The following NDE1 variants were observed in gnomAD, a reference collection of about 807,000 sequenced individuals.
NDE1 encodes nuclear distribution protein nudE homolog 1.
Under a neutral mutation model 43.4 loss-of-function variants are expected in NDE1, and 28 were observed. The ratio of observed to expected loss-of-function variants is 0.65; its 90% CI spans 0.48 to 0.89. The LOEUF is 0.89. NDE1 is among the 40% of genes least tolerant of loss of function. The pLI is 0.00. For synonymous variants in NDE1, 184 were observed against 172.0 expected, an observed-to-expected ratio of 1.07 and a Z score of -0.55; for missense variants, 441 against 434.1, an observed-to-expected ratio of 1.02 and a Z score of -0.14.
intron 3 of NDE1, among the ~76,000 whole-genome samples, chr16:15,675,176 G>C (rs2037803611): frequency 6.6e-6 from 1 of 152,004 alleles, no homozygotes; most frequent in South Asian, 2.1e-4. Context: ...CAGTTATTCA[G>C]TGTGCCTGCC....
intron 1 of NDE1, among the ~76,000 whole-genome samples, chr16:15,662,351 C>T (rs954512035): frequency 5.6e-5 from 8 of 142,202 alleles, no homozygotes; most frequent in African/African-American, 1.6e-4. Flanking sequence ...GGCGTGATCT[C>T]GGCTCACTGC....
chr16:15,709,992 T>C (rs1287750103), intron 8 of NDE1, among the ~76,000 whole-genome samples: 2 of 152,158 alleles, frequency 1.3e-5, no homozygotes, highest in Non-Finnish European at 2.9e-5. Context: ...TACAGTTCCT[T>C]CTTGGCTGAG....
intron 4 of NDE1, chr16:15,686,872 A>G (rs2038465242): frequency 8.5e-6 from 5 of 587,716 alleles, no homozygotes; most frequent in Non-Finnish European, 1.1e-5. Context: ...TATTTCTAGT[A>G]GAGACAGGAT....
chr16:15,719,841 G>A (rs912098606), intron 8 of NDE1: 36 of 1,349,540 alleles, frequency 2.7e-5, no homozygotes, highest in Non-Finnish European at 3.5e-5. Context: ...CCCATTGCAC[G>A]AGCATGGCTC....
Position 15,695,463 on chromosome 16 carries a change from G to T in NDE1, c.795+1207G>T, listed in dbSNP as rs191038684. 3 of 968,994 alleles carry T rather than the reference G, an allele frequency of 3.1e-6. No homozygotes were observed. In the Admixed American group the frequency reaches 2.0e-4, roughly 66 times the overall value. The allele number at this position is 968,994 out of a possible 1,614,324, so 60.0% of individuals were successfully genotyped here. A position where few individuals can be genotyped will look rare whatever the true frequency, so the allele number is the denominator to read the frequency against. On this transcript the variant is annotated intron_variant, in intron 7 of 8. Transcript: ENST00000396354. ...GCGGAGGTTGCAGTGAGCTGAGATC[G>T]CACCGCTGGGTGACAAAGTGAGACT...
At chr16:15,698,465 C>T (rs575087640) in intron 8 of NDE1, among the ~76,000 whole-genome samples, 1 of 152,100 alleles carries the variant, frequency 6.6e-6, no homozygotes, top group Non-Finnish European at 1.5e-5. Context: ...CTCTCTGGGC[C>T]CCAAGCCGTA....
At chr16:15,655,298 G>A (rs998014356) in intron 1 of NDE1, among the ~76,000 whole-genome samples, 13 of 152,050 alleles carry the variant, frequency 8.5e-5, no homozygotes, top group African/African-American at 2.2e-4. Flanking sequence ...GACTACAGGC[G>A]TGCATCGTGA....
At chr16:15,669,518 T>C (rs1189791513) in intron 3 of NDE1, among the ~76,000 whole-genome samples, 1 of 152,040 alleles carries the variant, frequency 6.6e-6, no homozygotes, top group East Asian at 1.9e-4. Context: ...CACACCGCCA[T>C]GCCTGGCTAA....
rs529718944 is a variant in NDE1, at chr16:15,717,133, C to A, written c.948-7058C>A. ...CAAACTGGGTTCGGAACTCCACACC[C>A]GCATACCTGGCCTCCTGCTCGACCT... On this transcript the variant is annotated intron_variant, in intron 8 of 8. Transcript: ENST00000396354. The A allele has an allele frequency of 2.2e-5, 36 of 1,614,014 alleles. No homozygotes were observed. The highest frequency in any genetic ancestry group is 3.3e-5 in the Admixed American group (2 of 60,000).
chr16:15,690,273 A>G (rs2038665936), intron 5 of NDE1, among the ~76,000 whole-genome samples: 1 of 149,112 alleles, frequency 6.7e-6, no homozygotes, highest in Admixed American at 6.7e-5. Context: ...CCTGACCTCA[A>G]GCAATCCTCC....
chr16:15,717,013 G>A (rs1343058714), intron 8 of NDE1: 7 of 1,014,590 alleles, frequency 6.9e-6, no homozygotes, highest in African/African-American at 1.6e-5. Flanking sequence ...TACCTGCACT[G>A]TAGGCATCAC....
exon 1 of NDE1, chr16:15,643,547 A>C: frequency 5.6e-6 from 2 of 354,706 alleles, no homozygotes; most frequent in South Asian, 4.2e-5. Flanking sequence ...ACGGGATTTC[A>C]ATGAAAAACC....
intron 8 of NDE1, among the ~76,000 whole-genome samples, chr16:15,722,283 A>G (rs2040527608): frequency 6.6e-6 from 1 of 152,206 alleles, no homozygotes; most frequent in African/African-American, 2.4e-5. Flanking sequence ...GTAGCTATTA[A>G]TATCTTACAA....
upstream of NDE1, chr16:15,650,223 G>A (rs1015152919): frequency 9.5e-6 from 2 of 211,524 alleles, no homozygotes; most frequent in Admixed American, 6.1e-5. Context: ...GGGTCCGGAG[G>A]GCCGGGGCCG....
chr16:15,670,796 C>T (rs965995919), intron 3 of NDE1, among the ~76,000 whole-genome samples: 4 of 152,056 alleles, frequency 2.6e-5, no homozygotes, highest in African/African-American at 9.7e-5. Flanking sequence ...CTGTACCCAT[C>T]ACAGACGTGG....
Position 15,695,432 on chromosome 16 carries a change from C to T in NDE1, c.795+1176C>T, listed in dbSNP as rs146023860. The stretch of plus-strand genomic sequence containing the variant: ...CTTATGCAGGAAAATTGTTTGAATC[C>T]GGGAGGCGGAGGTTGCAGTGAGCTG... On this transcript the variant is annotated intron_variant, in intron 7 of 8. Transcript: ENST00000396354. 1,155 of 915,638 alleles carry T rather than the reference C, an allele frequency of 1.3e-3. 11 individuals are homozygous for T. The African/African-American group carries it at 0.019, about 15-fold the overall frequency. The allele number at this position is 915,638 out of a possible 1,614,324, so 56.7% of individuals were successfully genotyped here.
intron 8 of NDE1, chr16:15,717,419 T>C (rs1484449617): frequency 1.3e-6 from 2 of 1,536,968 alleles, no homozygotes; most frequent in African/African-American, 2.7e-5. Flanking sequence ...ACCATGCCTC[T>C]TCCTGCCTTG....
chr16:15,708,748 A>G (rs1294250172), intron 8 of NDE1: 1 of 1,556,384 alleles, frequency 6.4e-7, no homozygotes, highest in African/African-American at 1.6e-5. Context: ...CGCATTGGGC[A>G]GAAAAGAAAT....
chr16:15,708,295 G>A (rs558147561), intron 8 of NDE1, among the ~76,000 whole-genome samples: 10 of 152,236 alleles, frequency 6.6e-5, no homozygotes, highest in South Asian at 6.2e-4. Context: ...TTGCCGCGCC[G>A]CAGTTACCGT....
Sources: allele counts gnomAD v4.1 joint callset (sites outside exome capture counted in the v4.1 genomes callset), GRCh38; gene constraint gnomAD v4.1.1; transcripts MANE v1.5; gene names NCBI Gene and HGNC (gene_info 2026-07-23, HGNC 2026-07-21).